The following AFF4 variants were observed in gnomAD, a reference collection of about 807,000 sequenced individuals.
AFF4 encodes AF4/FMR2 family member 4.
Under a neutral mutation model 124.8 loss-of-function variants are expected in AFF4, and 13 were observed. The observed-to-expected ratio is 0.10, with a 90% CI of 0.07 to 0.17. The LOEUF (loss-of-function observed/expected upper bound fraction) is 0.17, where lower values mean the gene tolerates loss of function less well. AFF4 is among the 10% of genes least tolerant of loss of function. AFF4 has a pLI of 1.00. For synonymous variants in AFF4, 477 were observed against 496.1 expected (o/e 0.96, Z 0.51); for missense variants, 1,092 against 1,403.8 (o/e 0.78, Z 3.55).
intron 5 of AFF4, among the ~76,000 whole-genome samples, chr5:132,921,219 C>G (rs1286543890): frequency 1.3e-5 from 2 of 151,742 alleles, no homozygotes; most frequent in Non-Finnish European, 2.9e-5. Context: ...AGACACTGCA[C>G]CAAAGAAGAT....
rs1428824114 is a variant in AFF4 at position 132,880,268 on chromosome 5, ATGC to A, written c.*788_*790del. ...CTTTTATGAAACCCTTCAACATGAA[ATGC>A]TTCTTCTAGAAAGTTTGTCCTCCCT... On this transcript the variant is annotated 3_prime_UTR_variant, in exon 21 of 21. Transcript: ENST00000265343. The A allele has an allele frequency of 5.0e-6, 2 of 398,878 alleles. No individual in the cohort carries two copies. The highest frequency in any genetic ancestry group is 8.8e-6 in the Non-Finnish European group (2 of 226,030). The allele number at this position is 398,878 out of a possible 1,614,324, so 24.7% of individuals were successfully genotyped here.
chr5:132,929,732 G>GGATA (rs1267409802), intron 4 of AFF4, among the ~76,000 whole-genome samples: 1 of 152,104 alleles, frequency 6.6e-6, no homozygotes, highest in African/African-American at 2.4e-5. Flanking sequence ...ATTGGCCTGC[G>GGATA]GATATTAAAT....
At chr5:132,948,179 C>G (rs892377943) in intron 1 of AFF4, among the ~76,000 whole-genome samples, 3 of 151,968 alleles carry the variant, frequency 2.0e-5, no homozygotes, top group African/African-American at 7.2e-5. Context: ...GCCTCCCAAA[C>G]AGCTGGGACT....
intron 1 of AFF4, among the ~76,000 whole-genome samples, chr5:132,959,909 C>T (rs999542940): frequency 2.6e-5 from 4 of 151,858 alleles, no homozygotes; most frequent in Admixed American, 1.3e-4. Context: ...GGACTACAGG[C>T]GCCTGCCACC....
chr5:132,926,284 TA>T, intron 5 of AFF4: 1 of 439,266 alleles, frequency 2.3e-6, no homozygotes, highest in Admixed American at 2.4e-5. Context: ...GGGGGACTGG[TA>T]AAACTTTCAC....
At chr5:132,882,209 G>C (rs977744471) in intron 20 of AFF4, among the ~76,000 whole-genome samples, 1 of 112,258 alleles carries the variant, frequency 8.9e-6, no homozygotes, top group African/African-American at 3.0e-5. Context: ...GTAAAACCCT[G>C]TCTCAAAAAA....
chr5:132,951,109 T>C (rs1415660289), intron 1 of AFF4, among the ~76,000 whole-genome samples: 1 of 151,680 alleles, frequency 6.6e-6, no homozygotes, highest in Non-Finnish European at 1.5e-5. Context: ...CCTGTAGTCC[T>C]AGCTACTCAG....
chr5:132,937,351 T>C (rs1317275215), intron 1 of AFF4, among the ~76,000 whole-genome samples, 158 bp from the exon 2 acceptor site: 2 of 152,226 alleles, frequency 1.3e-5, no homozygotes, highest in Non-Finnish European at 2.9e-5. Flanking sequence ...GTAATGGTTT[T>C]ATCAACAAAT....
chr5:132,879,427 G>A lies in AFF4; in HGVS notation c.*1632C>T. 9.7e-6 allele frequency: 2 copies of A among 205,518 alleles called. 1 individual carries two copies. Among genetic ancestry groups the A allele is most frequent in the Non-Finnish European group, 2.0e-5 (2 of 100,280 alleles). The allele number at this position is 205,518 out of a possible 1,614,324, so 12.7% of individuals were successfully genotyped here. On this transcript the variant is annotated 3_prime_UTR_variant, in exon 21 of 21. Coordinates refer to ENST00000265343, the MANE Select transcript of AFF4 (RefSeq NM_014423.4). Reference sequence around the variant, plus strand: ...GGAGAGGGACAAACTATTTTTCAAAGCAGCATTACCCAACTGGTTAGACTA... The same window carrying A: ...GGAGAGGGACAAACTATTTTTCAAAACAGCATTACCCAACTGGTTAGACTA...
rs529012926 is a variant in AFF4 at position 132,882,166 on chromosome 5, C to A, written c.3365-980G>T. On this transcript the variant is annotated intron_variant, in intron 20 of 20. Transcript: ENST00000265343. ...AGGTAGATGCTGCAGTGAACTGTGA[C>A]TGTGCCACAGCCTGGGCAGCCTGGG... 3.3e-5 allele frequency among the ~76,000 whole-genome samples: 5 copies of A among 149,830 alleles called. No individual in the cohort carries two copies. The East Asian group carries it at 9.9e-4, about 30-fold the overall frequency.
At position 132,939,059 on chromosome 5, in the gene AFF4, T is replaced by G. The variant is rs555826899; in HGVS notation, c.-4-1866A>C. On this transcript the variant is annotated intron_variant, in intron 1 of 20. Transcript: ENST00000265343. ...CAACATGACAAAACTGCATCTCTAC[T>G]AAAAATAAAATTTAGCCAGGTGTGG... 4.3e-4 allele frequency among the ~76,000 whole-genome samples: 62 copies of G among 142,910 alleles called. 1 individual carries two copies. Among genetic ancestry groups the G allele is most frequent in the Admixed American group, 3.5e-4 (5 of 14,220 alleles). The allele number at this position is 142,910 out of a possible 152,430, so 93.8% of individuals were successfully genotyped here. A position where few individuals can be genotyped will look rare whatever the true frequency, so the allele number is the denominator to read the frequency against.
chr5:132,953,507 C>T (rs1761888486), intron 1 of AFF4, among the ~76,000 whole-genome samples: 2 of 152,218 alleles, frequency 1.3e-5, no homozygotes, highest in South Asian at 4.1e-4. Flanking sequence ...ACCTCAGCCT[C>T]CCAAAGTGCT....
Position 132,899,157 on chromosome 5 carries a change from A to G in AFF4, c.1189-16T>C, listed in dbSNP as rs371649068. 4 of 1,609,754 alleles carry G rather than the reference A, an allele frequency of 2.5e-6. No individual in the cohort carries two copies. The African/African-American group carries it at 4.0e-5, about 16-fold the overall frequency. ...TATCACAATCCTAAAATTAAAACAT[A>G]AGAAAGAATCTGTGAATGAATAAAC... On this transcript the variant is annotated splice_polypyrimidine_tract_variant and intron_variant, in intron 8 of 20. Transcript: ENST00000265343.
At chr5:132,949,925 A>G (rs889859324) in intron 1 of AFF4, among the ~76,000 whole-genome samples, 1 of 151,300 alleles carries the variant, frequency 6.6e-6, no homozygotes, top group African/African-American at 2.4e-5. Context: ...TTGGAGACTG[A>G]GGCAGAAGGA....
At chr5:132,896,053 C>G (rs1326823755) in intron 11 of AFF4, among the ~76,000 whole-genome samples, 2 of 152,254 alleles carry the variant, frequency 1.3e-5, no homozygotes, top group African/African-American at 4.8e-5. Context: ...AGCTGCTGCT[C>G]TCTAACCTCT....
chr5:132,949,507 T>C (rs1051499667), intron 1 of AFF4, among the ~76,000 whole-genome samples: 1 of 151,906 alleles, frequency 6.6e-6, no homozygotes, highest in Admixed American at 6.5e-5. Context: ...TGAGACCTCA[T>C]CTCTTAAAAA....
chr5:132,885,103 G>T lies in AFF4; in HGVS notation c.3116C>A (p.Ser1039Tyr). 1 of 1,595,516 alleles carries T rather than the reference G, an allele frequency of 6.3e-7. No homozygotes were observed. Among genetic ancestry groups the T allele is most frequent in the Non-Finnish European group, 8.5e-7 (1 of 1,172,030 alleles). ...TCCCAAGCCAGGCGATGGTGCTTGA[G>T]AATTATTATAAGAATTCTGTGGAAA... ...TEHLKNSYNN[S>Y]QAPSPGLGSK... The change falls in exon 19 of 21, where the codon TCT (serine) becomes TAT (tyrosine). Residue 1039 changes from serine to tyrosine, a missense_variant. Ser to Tyr is a moderately radical substitution (Grantham distance 144, BLOSUM62 -2). Transcript: ENST00000265343.
chr5:132,887,567 A>G lies in AFF4; in HGVS notation c.2959T>C (p.Leu987=), dbSNP rs779732654. The change falls in exon 17 of 21, where the codon TTG becomes CTG. Residue 987 remains leucine (L), a synonymous_variant. Transcript: ENST00000265343. ...TCTGCAGCTGTAGCATCTGGTGCCA[A>G]GTAATTCTTTAGCTTCATAGTGTAT... ...IKYTMKLKNY[L]APDATAADKR... 1 of 1,614,022 alleles carries G rather than the reference A, an allele frequency of 6.2e-7. No homozygotes were observed. Among genetic ancestry groups the G allele is most frequent in the Non-Finnish European group, 8.5e-7 (1 of 1,179,898 alleles).
chr5:132,958,522 A>G (rs1445830137), intron 1 of AFF4, among the ~76,000 whole-genome samples: 1 of 151,674 alleles, frequency 6.6e-6, no homozygotes, highest in East Asian at 1.9e-4. Context: ...ATTGAAAGGA[A>G]GTAGATCACA....
Sources: gnomAD v4.1 joint callset for allele counts (sites outside exome capture counted in the v4.1 genomes callset) on GRCh38, gnomAD v4.1.1 for gene constraint, MANE v1.5 for transcripts, NCBI Gene and HGNC (gene_info 2026-07-23, HGNC 2026-07-21) for gene names.